Variants in PTP4A3 observed in about 807,000 individuals in gnomAD.
PTP4A3 encodes the protein protein tyrosine phosphatase type IVA 3.
In PTP4A3, 9 loss-of-function variants were observed where a neutral mutation model predicts 15.2. The ratio of observed to expected loss-of-function variants is 0.59; its 90% confidence interval spans 0.36 to 1.03. The LOEUF is 1.03. Among genes scored for constraint, PTP4A3 ranks in the 50% least tolerant of loss-of-function variants. PTP4A3 has a pLI of 0.02. For missense variants in PTP4A3, 234 were observed against 252.1 expected, an observed-to-expected ratio of 0.93 and a Z score of 0.49; for synonymous variants, 95 against 102.0, an observed-to-expected ratio of 0.93 and a Z score of 0.41.
At chr8:141,418,225 A>G (rs140541597) in intron 1 of PTP4A3, among the ~76,000 whole-genome samples, 1 of 152,100 alleles carries the variant, frequency 6.6e-6, no homozygotes, top group Non-Finnish European at 1.5e-5. Context: ...GGCGCAGCTT[A>G]CTTCTCCTGA....
intron 1 of PTP4A3, among the ~76,000 whole-genome samples, chr8:141,408,027 C>T (rs7465330): frequency 0.23 from 34,265 of 152,150 alleles, 4,596 homozygotes; most frequent in East Asian, 0.59. Flanking sequence ...AGAATATAGG[C>T]GGCCAACAGG....
At chr8:141,426,475 G>T (rs1833582796) in intron 3 of PTP4A3, 2 of 985,460 alleles carry the variant, frequency 2.0e-6, no homozygotes, top group Non-Finnish European at 2.4e-6. Context: ...AGTCCTTCCT[G>T]GCACCTGGGC....
Position 141,395,082 on chromosome 8 carries a change from C to T in PTP4A3, c.-854+2998C>T, listed in dbSNP as rs140365358. Among the ~76,000 whole-genome samples, 20 of 152,326 alleles carry T rather than the reference C, an allele frequency of 1.3e-4. 1 individual carries two copies. In the East Asian group the frequency reaches 2.5e-3, roughly 19 times the overall value. On this transcript the variant is annotated intron_variant, in intron 1 of 5. Coordinates refer to ENST00000521578, the MANE Select transcript of PTP4A3 (RefSeq NM_032611.3). Reference sequence around the variant, plus strand: ...GGTGGAGGGTCCTGGCAGCTACCTACGGCAGCTGAGAGCTGCGCTCTTTAG... The same window carrying T: ...GGTGGAGGGTCCTGGCAGCTACCTATGGCAGCTGAGAGCTGCGCTCTTTAG...
chr8:141,428,853 T>C (rs904517656), intron 5 of PTP4A3, among the ~76,000 whole-genome samples: 1 of 152,066 alleles, frequency 6.6e-6, no homozygotes, highest in African/African-American at 2.4e-5. Context: ...GACAAGCGGG[T>C]ATTTGCACAC....
chr8:141,426,256 C>T (rs1178203449), intron 3 of PTP4A3, among the ~76,000 whole-genome samples: 1 of 152,220 alleles, frequency 6.6e-6, no homozygotes, highest in Non-Finnish European at 1.5e-5. Context: ...TCCACTCCTA[C>T]TGCAGCGCCC....
chr8:141,429,522 C>A (rs1354571314), intron 5 of PTP4A3, among the ~76,000 whole-genome samples: 1 of 151,870 alleles, frequency 6.6e-6, no homozygotes, highest in East Asian at 1.9e-4. Flanking sequence ...CAGGTCCCTG[C>A]TGTAAGGACC....
At chr8:141,410,671 G>A (rs572477306) in intron 1 of PTP4A3, among the ~76,000 whole-genome samples, 1 of 152,266 alleles carries the variant, frequency 6.6e-6, no homozygotes, top group South Asian at 2.1e-4. Flanking sequence ...AGCACACTGA[G>A]GCACAGAGGA....
At chr8:141,424,109 C>T (rs1399329476) in intron 2 of PTP4A3, among the ~76,000 whole-genome samples, 1 of 152,078 alleles carries the variant, frequency 6.6e-6, no homozygotes, top group Non-Finnish European at 1.5e-5. Flanking sequence ...TGAGGTACCC[C>T]ATGGCCACAG....
intron 3 of PTP4A3, 200 bp from the exon 4 acceptor site, chr8:141,426,739 A>G (rs1316530014): frequency 1.1e-6 from 1 of 949,286 alleles, no homozygotes; most frequent in East Asian, 1.2e-4. Flanking sequence ...ACAGGGAATG[A>G]TGAGGAGTCT....
chr8:141,417,547 CCGG>C (rs1424409473), intron 1 of PTP4A3, among the ~76,000 whole-genome samples: 1 of 152,104 alleles, frequency 6.6e-6, no homozygotes. Flanking sequence ...GGAGCGCGGC[CCGG>C]CGGCTCCTGC....
At chr8:141,414,010 G>A (rs1478362845) in intron 1 of PTP4A3, among the ~76,000 whole-genome samples, 4 of 151,780 alleles carry the variant, frequency 2.6e-5, no homozygotes, top group Admixed American at 2.6e-4. Flanking sequence ...GGGGCAATGG[G>A]GTCCCCATCT....
Position 141,425,265 on chromosome 8 carries a change from G to C in PTP4A3, c.198+125G>C. 2.1e-6 allele frequency: 2 copies of C among 963,172 alleles called. No homozygotes were observed. Among genetic ancestry groups the C allele is most frequent in the Non-Finnish European group, 3.1e-6 (2 of 640,668 alleles). The allele number at this position is 963,172 out of a possible 1,614,324, so 59.7% of individuals were successfully genotyped here. A position where few individuals can be genotyped will look rare whatever the true frequency, so the allele number is the denominator to read the frequency against. On this transcript the variant is annotated intron_variant, in intron 3 of 5. Coordinates refer to ENST00000521578, the MANE Select transcript of PTP4A3 (RefSeq NM_032611.3). The surrounding 1 kb of genome is among the most constrained non-coding windows in gnomAD (Gnocchi z 4.2). ...GGCAGCCCTGGGCATGTCTGTGCCTGGGCCACGTGTGTGTCTGGGTACATC... is the reference window on the plus strand; with the variant it reads ...GGCAGCCCTGGGCATGTCTGTGCCTCGGCCACGTGTGTGTCTGGGTACATC...
At chr8:141,417,588 T>G (rs895753039) in intron 1 of PTP4A3, among the ~76,000 whole-genome samples, 15 of 151,794 alleles carry the variant, frequency 9.9e-5, no homozygotes, top group Admixed American at 7.9e-4. Flanking sequence ...CACAGGCCCG[T>G]GCAGCCCCAT....
At chr8:141,412,140 G>A (rs1443209957) in intron 1 of PTP4A3, among the ~76,000 whole-genome samples, 4 of 152,342 alleles carry the variant, frequency 2.6e-5, no homozygotes, top group Non-Finnish European at 5.9e-5. Context: ...GGGGTGCTGC[G>A]CTGGGCAGTG....
In PTP4A3 at chr8:141,406,615, G is replaced by C. The variant is rs1485004731; in HGVS notation, c.-854+14531G>C. On this transcript the variant is annotated intron_variant, in intron 1 of 5. Transcript: ENST00000521578. The surrounding 1 kb of genome is among the most constrained non-coding windows in gnomAD (Gnocchi z 4.5). Reference sequence around the variant, plus strand: ...TGACCCCAGTGTTTGTGATCAAACGGGGCCCAGACTCATTGACATCCTGCG... The same window carrying C: ...TGACCCCAGTGTTTGTGATCAAACGCGGCCCAGACTCATTGACATCCTGCG... 2.0e-5 allele frequency among the ~76,000 whole-genome samples: 3 copies of C among 152,156 alleles called. No individual in the cohort carries two copies. Among genetic ancestry groups the C allele is most frequent in the Non-Finnish European group, 4.4e-5 (3 of 68,022 alleles).
chr8:141,424,219 G>C (rs560989516), intron 2 of PTP4A3, among the ~76,000 whole-genome samples: 2 of 152,176 alleles, frequency 1.3e-5, no homozygotes, highest in Non-Finnish European at 2.9e-5. Flanking sequence ...CCCATCAGCT[G>C]ATTCCTCACC....
chr8:141,412,224 G>A (rs1375734427), intron 1 of PTP4A3, among the ~76,000 whole-genome samples: 1 of 152,206 alleles, frequency 6.6e-6, no homozygotes, highest in Non-Finnish European at 1.5e-5. Flanking sequence ...AGGGCGTCTG[G>A]GTATGGTGGA....
intron 1 of PTP4A3, among the ~76,000 whole-genome samples, chr8:141,416,290 C>T (rs890811735): frequency 2.0e-5 from 3 of 152,126 alleles, no homozygotes; most frequent in Middle Eastern, 3.4e-3. Context: ...AGCAGGGTCT[C>T]GGGGGCAGCA....
chr8:141,427,529 C>T (rs1833633434), intron 4 of PTP4A3, among the ~76,000 whole-genome samples: 1 of 152,230 alleles, frequency 6.6e-6, no homozygotes, highest in African/African-American at 2.4e-5. Context: ...TCTTATTTAA[C>T]CCTCCCCCAG....
Sources: allele counts gnomAD v4.1 joint callset (sites outside exome capture counted in the v4.1 genomes callset), GRCh38; gene constraint gnomAD v4.1.1; non-coding constraint Gnocchi (gnomAD v3.1); transcripts MANE v1.5; gene names NCBI Gene and HGNC (gene_info 2026-07-23, HGNC 2026-07-21).